Variants in ANKS1B observed in about 807,000 individuals in gnomAD.
The protein encoded by ANKS1B is ankyrin repeat and sterile alpha motif domain-containing protein 1B.
A neutral mutation model predicts 148.3 loss-of-function variants in ANKS1B; 36 were observed. The observed-to-expected ratio is 0.24, with a 90% confidence interval of 0.19 to 0.32. ANKS1B has a LOEUF of 0.32. Ranked by LOEUF, ANKS1B falls within the 10% of genes least tolerant of loss-of-function variation. The probability of loss-of-function intolerance (pLI) is 1.00; values close to 1 mark genes in which losing one functional copy is unlikely to be tolerated. For synonymous variants in ANKS1B, 542 were observed against 560.8 expected, an observed-to-expected ratio of 0.97 and a Z score of 0.47; for missense variants, 1,157 against 1,542.6, an observed-to-expected ratio of 0.75 and a Z score of 4.19.
intron 10 of ANKS1B, among the ~76,000 whole-genome samples, chr12:99,472,288 G>A (rs188537260): frequency 1.8e-3 from 280 of 152,188 alleles, no homozygotes; most frequent in Non-Finnish European, 2.1e-3. Flanking sequence ...GGCTCGGTCA[G>A]TCAGTAACTG....
intron 10 of ANKS1B, among the ~76,000 whole-genome samples, chr12:99,448,665 TGTTGTACACAATAA>T (rs1215215339): frequency 3.3e-5 from 5 of 152,114 alleles, no homozygotes; most frequent in Non-Finnish European, 7.4e-5. Context: ...TAAAACAGCT[TGTTGTACACAATAA>T]GTATATATAA....
intron 12 of ANKS1B, among the ~76,000 whole-genome samples, chr12:99,365,017 C>A (rs1255581473): frequency 6.6e-6 from 1 of 152,162 alleles, no homozygotes; most frequent in Non-Finnish European, 1.5e-5. Context: ...TGAAAGGATC[C>A]ACTGGCCATG....
At chr12:99,922,812 G>T (rs1402708870) in intron 1 of ANKS1B, among the ~76,000 whole-genome samples, 1 of 151,798 alleles carries the variant, frequency 6.6e-6, no homozygotes, top group African/African-American at 2.4e-5. Flanking sequence ...GTAGGAATGG[G>T]TTACTCATAA....
chr12:99,465,672 A>G (rs1455551508), intron 10 of ANKS1B, among the ~76,000 whole-genome samples: 4 of 152,200 alleles, frequency 2.6e-5, no homozygotes, highest in Non-Finnish European at 5.9e-5. Flanking sequence ...ACTTTAAACC[A>G]ACAAAGATCA....
intron 17 of ANKS1B, among the ~76,000 whole-genome samples, chr12:98,883,895 G>A (rs905110157): frequency 2.0e-5 from 3 of 151,890 alleles, no homozygotes; most frequent in Middle Eastern, 3.2e-3. Flanking sequence ...CTGTTTTTTC[G>A]TTTCCAGAAC....
chr12:98,906,408 C>T (rs764729780), intron 17 of ANKS1B, among the ~76,000 whole-genome samples: 11 of 152,214 alleles, frequency 7.2e-5, no homozygotes, highest in Admixed American at 1.3e-4. Flanking sequence ...TAATGGAGGG[C>T]GTGTGACCGA....
chr12:99,494,104 A>G (rs1231643792), intron 10 of ANKS1B, among the ~76,000 whole-genome samples: 1 of 152,180 alleles, frequency 6.6e-6, no homozygotes, highest in African/African-American at 2.4e-5. Flanking sequence ...AAGGGAAGAA[A>G]GGGTCTCCAG....
chr12:99,614,233 G>A (rs1344416613), intron 9 of ANKS1B, among the ~76,000 whole-genome samples: 4 of 152,018 alleles, frequency 2.6e-5, no homozygotes, highest in East Asian at 3.9e-4. Context: ...CTGAGAGTTC[G>A]AGACCAGCCT....
chr12:99,844,281 T>C (rs2086252119), intron 1 of ANKS1B, among the ~76,000 whole-genome samples: 1 of 152,188 alleles, frequency 6.6e-6, no homozygotes, highest in Non-Finnish European at 1.5e-5. Context: ...TTGTGGCTAT[T>C]GCTTTTGGAA....
intron 10 of ANKS1B, among the ~76,000 whole-genome samples, chr12:99,455,155 ATCTT>A (rs999413363): frequency 6.6e-5 from 10 of 151,856 alleles, no homozygotes; most frequent in Non-Finnish European, 1.3e-4. Context: ...CATCTTCTAT[ATCTT>A]TCTATTCATT....
intron 20 of ANKS1B, among the ~76,000 whole-genome samples, chr12:98,803,798 TTC>T (rs1195260730): frequency 3.3e-5 from 5 of 152,190 alleles, no homozygotes; most frequent in African/African-American, 1.2e-4. Flanking sequence ...TGCAAATTCA[TTC>T]TCTAATTGTT....
chr12:99,218,855 G>A (rs1320539607), intron 14 of ANKS1B, among the ~76,000 whole-genome samples: 1 of 152,204 alleles, frequency 6.6e-6, no homozygotes, highest in Non-Finnish European at 1.5e-5. Flanking sequence ...AAGTAGGAGA[G>A]TCTTGTTAAA....
At chr12:99,553,550 C>T (rs1157868257) in intron 9 of ANKS1B, among the ~76,000 whole-genome samples, 1 of 152,142 alleles carries the variant, frequency 6.6e-6, no homozygotes, top group Non-Finnish European at 1.5e-5. Flanking sequence ...GTTTCTACTA[C>T]TCAACTCTAC....
chr12:99,043,494 T>C (rs1242351321), intron 17 of ANKS1B, among the ~76,000 whole-genome samples: 1 of 152,226 alleles, frequency 6.6e-6, no homozygotes. Flanking sequence ...TGCCCTGGAC[T>C]TCAGGTATGC....
At chr12:99,502,376 G>C (rs980001367) in intron 10 of ANKS1B, among the ~76,000 whole-genome samples, 1 of 151,896 alleles carries the variant, frequency 6.6e-6, no homozygotes, top group Non-Finnish European at 1.5e-5. Context: ...CTATTATTTG[G>C]CCTTCATCCA....
chr12:99,844,036 T>C (rs1395003938), intron 1 of ANKS1B, among the ~76,000 whole-genome samples: 3 of 152,098 alleles, frequency 2.0e-5, no homozygotes, highest in Admixed American at 6.6e-5. Context: ...CTTGGCCACA[T>C]GTATGTCTTA....
At chr12:99,762,575 A>G (rs1196629587) in intron 8 of ANKS1B, among the ~76,000 whole-genome samples, 1 of 152,180 alleles carries the variant, frequency 6.6e-6, no homozygotes, top group African/African-American at 2.4e-5. Flanking sequence ...AACTCTAAGA[A>G]TCTTAGAATG....
At chr12:98,810,500 G>C (rs1008216932) in intron 19 of ANKS1B, among the ~76,000 whole-genome samples, 13 of 152,188 alleles carry the variant, frequency 8.5e-5, no homozygotes, top group African/African-American at 3.1e-4. Flanking sequence ...CTGGGGTCTT[G>C]GTTGGAGGTG....
At chr12:99,956,905 C>T (rs2095332419) in intron 1 of ANKS1B, among the ~76,000 whole-genome samples, 1 of 152,158 alleles carries the variant, frequency 6.6e-6, no homozygotes, top group African/African-American at 2.4e-5. Flanking sequence ...CTGCATAATA[C>T]CTTGTTAATC....
Sources: allele counts gnomAD v4.1 joint callset (sites outside exome capture counted in the v4.1 genomes callset), GRCh38; gene constraint gnomAD v4.1.1; transcripts MANE v1.5; gene names NCBI Gene and HGNC (gene_info 2026-07-23, HGNC 2026-07-21).